THSD7B: variants seen among roughly 807,000 people sequenced by gnomAD.
THSD7B encodes thrombospondin type 1 domain containing 7B.
THSD7B carries 138 observed loss-of-function variants against 213.6 expected under a neutral mutation model. That is an observed-to-expected ratio of 0.65 (90% CI 0.56 to 0.74). The LOEUF is 0.74. THSD7B is among the 30% of genes least tolerant of loss of function. THSD7B has a pLI of 0.00. For synonymous variants in THSD7B, 742 were observed against 687.0 expected (o/e 1.08, Z -1.25); for missense variants, 1,931 against 1,991.5 (o/e 0.97, Z 0.58).
At chr2:137,175,335 C>G (rs1163768620) in intron 7 of THSD7B, among the ~76,000 whole-genome samples, 1 of 152,210 alleles carries the variant, frequency 6.6e-6, no homozygotes, top group Non-Finnish European at 1.5e-5. Context: ...AACATACAAT[C>G]TGCACTTCTA....
chr2:137,272,108 G>T (rs1031841531), intron 10 of THSD7B, among the ~76,000 whole-genome samples: 1 of 151,974 alleles, frequency 6.6e-6, no homozygotes, highest in Non-Finnish European at 1.5e-5. Context: ...AATTATTATA[G>T]GTGTGTTTTG....
At chr2:137,443,443 T>C (rs1217395830) in intron 14 of THSD7B, among the ~76,000 whole-genome samples, 1 of 152,138 alleles carries the variant, frequency 6.6e-6, no homozygotes, top group East Asian at 1.9e-4. Context: ...TCATAGAATT[T>C]GTATACATTA....
intron 5 of THSD7B, among the ~76,000 whole-genome samples, chr2:137,122,125 T>C (rs1688556367): frequency 6.6e-6 from 1 of 152,196 alleles, no homozygotes; most frequent in Non-Finnish European, 1.5e-5. Context: ...GCTAAGGCAA[T>C]GCTAGTTGAT....
At chr2:136,823,457 G>A (rs1245714260) in intron 1 of THSD7B, among the ~76,000 whole-genome samples, 7 of 152,090 alleles carry the variant, frequency 4.6e-5, no homozygotes, top group Non-Finnish European at 1.0e-4. Context: ...TAACATGATC[G>A]GTTAACCTTT....
chr2:137,317,810 C>G (rs185405124), intron 12 of THSD7B, among the ~76,000 whole-genome samples: 9 of 152,126 alleles, frequency 5.9e-5, no homozygotes, highest in Admixed American at 2.6e-4. Context: ...CCTAGTTACT[C>G]AGAAGACTGA....
At chr2:137,165,568 T>C (rs566837208) in intron 6 of THSD7B, among the ~76,000 whole-genome samples, 5 of 152,148 alleles carry the variant, frequency 3.3e-5, no homozygotes, top group African/African-American at 1.2e-4. Flanking sequence ...CACTGAGTGG[T>C]ACAAACTAAA....
At chr2:137,278,638 T>C (rs1682927747) in intron 12 of THSD7B, among the ~76,000 whole-genome samples, 1 of 152,098 alleles carries the variant, frequency 6.6e-6, no homozygotes, top group South Asian at 2.1e-4. Context: ...GGGAAATTCA[T>C]GGACCACTGC....
intron 17 of THSD7B, among the ~76,000 whole-genome samples, chr2:137,599,181 A>G (rs1682027940): frequency 6.6e-6 from 1 of 150,976 alleles, no homozygotes; most frequent in African/African-American, 2.4e-5. Flanking sequence ...ATGATTTCCA[A>G]TTTCATCCAT....
In THSD7B at chr2:137,655,582, C is replaced by T. The variant is rs375546389; in HGVS notation, c.4027C>T (p.Arg1343Cys). 159 of 1,612,724 alleles carry T rather than the reference C, an allele frequency of 9.9e-5. No individual in the cohort carries two copies. In the South Asian group the frequency reaches 1.5e-3, roughly 15 times the overall value. The change falls in exon 22 of 28, where the codon CGT becomes TGT. Residue 1343 changes from arginine to cysteine, a missense_variant. Physicochemically the swap from Arg to Cys is radical, Grantham distance 180. Transcript: ENST00000409968. ...TGGTTCAATATCTCATGCAGCTGGACGTGTCGAGGATGCACTGTGTGGAGA... is the reference window on the plus strand; with the variant it reads ...TGGTTCAATATCTCATGCAGCTGGATGTGTCGAGGATGCACTGTGTGGAGA... ...HSGSISHAAG[R>C]VEDALCGEMP...
At chr2:137,310,985 C>G (rs1183592239) in intron 12 of THSD7B, among the ~76,000 whole-genome samples, 1 of 146,734 alleles carries the variant, frequency 6.8e-6, no homozygotes. Context: ...CTTGGTGATG[C>G]GGGCTCTTTT....
rs1558834368 is a variant in THSD7B, at chr2:137,546,428, ATATATAT to A, written c.3139-16785_3139-16779del. Among the ~76,000 whole-genome samples, 43 of 29,742 alleles carry A rather than the reference ATATATAT, an allele frequency of 1.4e-3. 6 individuals are homozygous for A. The highest frequency in any genetic ancestry group is 9.8e-3 in the African/African-American group (41 of 4,188). The allele number at this position is 29,742 out of a possible 152,430, so 19.5% of individuals were successfully genotyped here. On this transcript the variant is annotated intron_variant, in intron 15 of 27. Coordinates refer to ENST00000409968, the MANE Select transcript of THSD7B (RefSeq NM_001316349.2). ...ATTATATATATATTATATATATTAT[ATATATAT>A]TATATATATTATATATATATTATAT...
intron 15 of THSD7B, among the ~76,000 whole-genome samples, chr2:137,469,759 G>T (rs1011790296): frequency 6.6e-6 from 1 of 152,124 alleles, no homozygotes; most frequent in African/African-American, 2.4e-5. Context: ...ATAACGTTCT[G>T]CTCTATTTTA....
chr2:137,629,982 T>G (rs1233916298), intron 20 of THSD7B, among the ~76,000 whole-genome samples: 1 of 148,640 alleles, frequency 6.7e-6, no homozygotes, highest in East Asian at 1.9e-4. Flanking sequence ...TGCATTTATT[T>G]GCGCCCAACT....
intron 1 of THSD7B, among the ~76,000 whole-genome samples, chr2:136,767,725 G>A (rs965856472): frequency 1.3e-5 from 2 of 152,106 alleles, no homozygotes; most frequent in Admixed American, 6.5e-5. Flanking sequence ...ACCATTCAGG[G>A]TTTTGGATAT....
intron 12 of THSD7B, among the ~76,000 whole-genome samples, chr2:137,384,078 G>A (rs1294131018): frequency 6.6e-6 from 1 of 152,140 alleles, no homozygotes; most frequent in Non-Finnish European, 1.5e-5. Context: ...CAAGTCCTTT[G>A]GCACCTGATA....
intron 15 of THSD7B, among the ~76,000 whole-genome samples, chr2:137,454,387 A>G (rs1417494126): frequency 1.6e-5 from 2 of 121,816 alleles, no homozygotes; most frequent in South Asian, 6.6e-4. Flanking sequence ...CTTCAGAGCC[A>G]TTCTATCTGT....
rs138601463 is a variant in THSD7B at position 136,982,285 on chromosome 2, G to T, written c.140-74135G>T. Among the ~76,000 whole-genome samples, 804 of 149,050 alleles carry T rather than the reference G, an allele frequency of 5.4e-3. 7 individuals carry two copies. The highest frequency in any genetic ancestry group is 0.018 in the African/African-American group (745 of 40,428). On this transcript the variant is annotated intron_variant, in intron 2 of 27. Transcript: ENST00000409968. The stretch of plus-strand genomic sequence containing the variant: ...TCTAGGTAAGATAAAATAAAATAAG[G>T]CTCTTACATTTGGTGCTATGTGAGC...
chr2:137,069,528 G>A (rs1172296047), intron 3 of THSD7B, among the ~76,000 whole-genome samples: 2 of 151,868 alleles, frequency 1.3e-5, no homozygotes, highest in Non-Finnish European at 2.9e-5. Context: ...TGATTATTTG[G>A]TACATGTTAA....
intron 7 of THSD7B, among the ~76,000 whole-genome samples, chr2:137,227,418 A>G (rs1280236942): frequency 1.3e-5 from 2 of 152,168 alleles, no homozygotes; most frequent in African/African-American, 4.8e-5. Context: ...CCTCTTAAAT[A>G]TATTCCATTT....
Sources: gnomAD v4.1 joint callset for allele counts (sites outside exome capture counted in the v4.1 genomes callset) on GRCh38, gnomAD v4.1.1 for gene constraint, MANE v1.5 for transcripts, NCBI Gene and HGNC (gene_info 2026-07-23, HGNC 2026-07-21) for gene names.